PDE8B: variants seen among roughly 807,000 people sequenced by gnomAD.
PDE8B encodes the protein high affinity cAMP-specific and IBMX-insensitive 3',5'-cyclic phosphodiesterase 8B.
In PDE8B, 26 loss-of-function variants were observed where a neutral mutation model predicts 101.3. The observed-to-expected ratio is 0.26, with a 90% CI of 0.19 to 0.36. PDE8B has a LOEUF of 0.36. PDE8B is among the 10% of genes least tolerant of loss of function. The pLI is 1.00. For synonymous variants in PDE8B, 424 were observed against 429.3 expected (o/e 0.99, Z 0.15); for missense variants, 810 against 1,163.1 (o/e 0.70, Z 4.42).
chr5:77,291,304 C>T, intron 1 of PDE8B: 2 of 1,612,932 alleles, frequency 1.2e-6, no homozygotes, highest in East Asian at 4.5e-5. Flanking sequence ...CCACTCCACA[C>T]CAAGCAGGCA....
chr5:77,238,275 CTT>C (rs2149526242), intron 1 of PDE8B, among the ~76,000 whole-genome samples: 1 of 152,142 alleles, frequency 6.6e-6, no homozygotes, highest in South Asian at 2.1e-4. Context: ...AGTCTTTTCT[CTT>C]TTGTTCAGAT....
intron 1 of PDE8B, among the ~76,000 whole-genome samples, chr5:77,294,284 C>A (rs1768035103): frequency 6.6e-6 from 1 of 152,166 alleles, no homozygotes; most frequent in East Asian, 1.9e-4. Context: ...CAGGAGGAAG[C>A]AGCTGGCAGA....
chr5:77,262,962 C>G (rs1375534013), intron 1 of PDE8B, among the ~76,000 whole-genome samples: 9 of 152,178 alleles, frequency 5.9e-5, no homozygotes, highest in Admixed American at 5.9e-4. Flanking sequence ...GGACTCCTTC[C>G]TTTTTTCTGA....
intron 10 of PDE8B, among the ~76,000 whole-genome samples, chr5:77,379,122 A>G (rs2150773252): frequency 6.6e-6 from 1 of 152,374 alleles, no homozygotes. Flanking sequence ...AAATATGTGT[A>G]GAATGTAGAG....
chr5:77,416,527 C>A (rs933927125), intron 17 of PDE8B, among the ~76,000 whole-genome samples: 3 of 152,236 alleles, frequency 2.0e-5, no homozygotes, highest in Non-Finnish European at 4.4e-5. Flanking sequence ...TTGCCCTGGG[C>A]ACTGCAGAAT....
At chr5:77,395,354 A>G (rs1199997636) in intron 10 of PDE8B, among the ~76,000 whole-genome samples, 3 of 151,360 alleles carry the variant, frequency 2.0e-5, no homozygotes, top group Non-Finnish European at 3.0e-5. Context: ...TGACCTCATG[A>G]TCCGCCCGCC....
At chr5:77,415,320 G>A (rs1236373591) in intron 17 of PDE8B, among the ~76,000 whole-genome samples, 1 of 146,160 alleles carries the variant, frequency 6.8e-6, no homozygotes, top group Non-Finnish European at 1.5e-5. Context: ...TGTGTCATCT[G>A]TCACCCCTAA....
At chr5:77,142,966 G>A in the PDE8B span, among the ~76,000 whole-genome samples, 2 of 152,188 alleles carry the variant, frequency 1.3e-5, no homozygotes, top group African/African-American at 2.4e-5. Flanking sequence ...TCATAAGAGA[G>A]AGGAGCTAAG....
intron 8 of PDE8B, among the ~76,000 whole-genome samples, chr5:77,350,095 G>A (rs1050947889): frequency 2.0e-5 from 3 of 152,154 alleles, no homozygotes; most frequent in Non-Finnish European, 4.4e-5. Context: ...TTTCCCTGAA[G>A]CCCTCTCCTC....
At chr5:77,287,937 T>C (rs1291362733) in intron 1 of PDE8B, among the ~76,000 whole-genome samples, 1 of 152,240 alleles carries the variant, frequency 6.6e-6, no homozygotes, top group Non-Finnish European at 1.5e-5. Flanking sequence ...TAATGTTTTT[T>C]CCCTCTCTTG....
chr5:77,394,079 G>T (rs999776531), intron 10 of PDE8B, among the ~76,000 whole-genome samples: 3 of 152,172 alleles, frequency 2.0e-5, no homozygotes, highest in African/African-American at 7.2e-5. Flanking sequence ...CAACTACATT[G>T]CCATAAAGTA....
At chr5:77,196,536 C>T in the PDE8B span, among the ~76,000 whole-genome samples, 1 of 152,122 alleles carries the variant, frequency 6.6e-6, no homozygotes, top group African/African-American at 2.4e-5. Flanking sequence ...GGGATAAAAA[C>T]CGCTTGGTCA....
intron 7 of PDE8B, among the ~76,000 whole-genome samples, chr5:77,345,213 G>A (rs1013044136): frequency 2.0e-5 from 3 of 152,202 alleles, no homozygotes; most frequent in Non-Finnish European, 4.4e-5. Flanking sequence ...CTGTCGCCCA[G>A]GCTGTAGTAC....
intron 1 of PDE8B, among the ~76,000 whole-genome samples, chr5:77,213,541 C>A (rs1357165956): frequency 6.6e-6 from 1 of 152,188 alleles, no homozygotes; most frequent in African/African-American, 2.4e-5. Context: ...TTTATAAAAA[C>A]TTTACATTCA....
At chr5:77,140,486 C>T in the PDE8B span, 1 of 152,284 alleles carries the variant, frequency 6.6e-6, no homozygotes, top group Non-Finnish European at 1.5e-5. Context: ...ACATTAGCCC[C>T]TACTTACTGC....
Position 77,371,925 on chromosome 5 carries a change from G to A in PDE8B, c.1167+18519G>A, listed in dbSNP as rs1423517301. 3.9e-5 allele frequency among the ~76,000 whole-genome samples: 6 copies of A among 152,104 alleles called. No homozygotes were observed. In the South Asian group the frequency reaches 6.2e-4, roughly 16 times the overall value. The stretch of plus-strand genomic sequence containing the variant: ...AAACATACAATTGATTTTTTGCCGG[G>A]TGCAGTGGCTCACGCCTGTAATCCC... On this transcript the variant is annotated intron_variant, in intron 10 of 21. Coordinates refer to ENST00000264917, the MANE Select transcript of PDE8B (RefSeq NM_003719.5).
intron 1 of PDE8B, among the ~76,000 whole-genome samples, chr5:77,302,521 C>A (rs932185486): frequency 2.0e-5 from 3 of 152,170 alleles, no homozygotes; most frequent in African/African-American, 7.2e-5. Context: ...GGAGCGGGTG[C>A]CTTGTGCCAA....
At chr5:77,381,636 G>A (rs1787478356) in intron 10 of PDE8B, among the ~76,000 whole-genome samples, 3 of 151,646 alleles carry the variant, frequency 2.0e-5, no homozygotes, top group African/African-American at 7.3e-5. Context: ...TTAAATAAAA[G>A]GTTGACATGA....
At chr5:77,268,858 T>A (rs757875617) in intron 1 of PDE8B, among the ~76,000 whole-genome samples, 8 of 150,650 alleles carry the variant, frequency 5.3e-5, no homozygotes, top group Non-Finnish European at 1.2e-4. Context: ...ACATTTTCTT[T>A]ATCCAATCAT....
Sources: gnomAD v4.1 joint callset for allele counts (sites outside exome capture counted in the v4.1 genomes callset) on GRCh38, gnomAD v4.1.1 for gene constraint, MANE v1.5 for transcripts, NCBI Gene and HGNC (gene_info 2026-07-23, HGNC 2026-07-21) for gene names.